NLGN4X: variants seen among roughly 807,000 people sequenced by gnomAD.
NLGN4X encodes neuroligin 4 X-linked.
In NLGN4X, 3 loss-of-function variants were observed where a neutral mutation model predicts 40.3. The observed-to-expected ratio is 0.07, with a 90% confidence interval of 0.03 to 0.19. The LOEUF (loss-of-function observed/expected upper bound fraction) is 0.19. Ranked by LOEUF, NLGN4X falls within the 10% of genes least tolerant of loss-of-function variation. NLGN4X has a pLI of 1.00. For synonymous variants in NLGN4X, 270 were observed against 306.8 expected, an observed-to-expected ratio of 0.88 and a Z score of 1.25; for missense variants, 382 against 708.3, an observed-to-expected ratio of 0.54 and a Z score of 5.23.
intron 2 of NLGN4X, among the ~76,000 whole-genome samples, chrX:6,081,325 T>A (rs973537819): frequency 8.9e-6 from 1 of 111,948 alleles, no homozygotes; most frequent in African/African-American, 3.2e-5. Flanking sequence ...TTATGTTGCC[T>A]GGGCTGGTCA....
At chrX:6,009,749 T>C (rs6639569) in intron 3 of NLGN4X, among the ~76,000 whole-genome samples, 11,958 of 111,767 alleles carry the variant, frequency 0.11, 1,265 homozygotes, top group African/African-American at 0.32. Context: ...GACCACAAGC[T>C]TTCATTTCTT....
At chrX:5,914,885 G>T (rs756085897) in intron 3 of NLGN4X, among the ~76,000 whole-genome samples, 1 of 111,908 alleles carries the variant, frequency 8.9e-6, no homozygotes, top group South Asian at 3.7e-4. Context: ...ATCTTTGACG[G>T]TTATAGGAAA....
At chrX:5,940,123 TTATCCAGTAC>T (rs2033873190) in intron 3 of NLGN4X, among the ~76,000 whole-genome samples, 3 of 110,408 alleles carry the variant, frequency 2.7e-5, no homozygotes. Flanking sequence ...CATGCATTTC[TTATCCAGTAC>T]TAGAAACCAC....
chrX:6,155,884 T>C (rs1444722839), intron 1 of NLGN4X, among the ~76,000 whole-genome samples: 2 of 111,534 alleles, frequency 1.8e-5, no homozygotes, highest in Non-Finnish European at 3.8e-5. Flanking sequence ...TCATAAAACA[T>C]CAAAAAACAA....
At chrX:5,921,558 A>C (rs2033067349) in intron 3 of NLGN4X, among the ~76,000 whole-genome samples, 1 of 110,531 alleles carries the variant, frequency 9.0e-6, no homozygotes, top group African/African-American at 3.3e-5. Context: ...TTTGCGGGGT[A>C]AGTGAGGGCA....
At chrX:6,203,234 C>T (rs901473220) in intron 1 of NLGN4X, among the ~76,000 whole-genome samples, 1 of 112,481 alleles carries the variant, frequency 8.9e-6, no homozygotes, top group Admixed American at 9.4e-5. Flanking sequence ...AGACAACACT[C>T]AACACAACAC....
At chrX:6,102,438 T>C (rs1252718245) in intron 2 of NLGN4X, among the ~76,000 whole-genome samples, 1 of 111,467 alleles carries the variant, frequency 9.0e-6, no homozygotes, top group Non-Finnish European at 1.9e-5. Context: ...CAGAGCTCCC[T>C]TGCCCTTTCC....
chrX:6,171,695 C>CA (rs200123086), intron 1 of NLGN4X, among the ~76,000 whole-genome samples: 8,323 of 111,977 alleles, frequency 0.074, 243 homozygotes, highest in South Asian at 0.15. Flanking sequence ...TATCTTTTAA[C>CA]GTTCAGTGAA....
intron 1 of NLGN4X, among the ~76,000 whole-genome samples, chrX:6,206,518 C>G (rs1167461828): frequency 3.6e-5 from 4 of 111,993 alleles, no homozygotes; most frequent in Non-Finnish European, 7.5e-5. Context: ...GCTTATGTCT[C>G]AGGAAACAGG....
chrX:6,125,680 T>C (rs1433037382), intron 2 of NLGN4X, among the ~76,000 whole-genome samples: 1 of 111,286 alleles, frequency 9.0e-6, no homozygotes, highest in African/African-American at 3.3e-5. Context: ...AAAGAATCAC[T>C]AAAAATCTCC....
chrX:5,891,744 A>T lies in NLGN4X; in HGVS notation c.*1073T>A. ...GCATGTCTCTAATTTAACAAGCTGTAAATACACTCCACTTTGGGGACCCAT... is the reference window on the plus strand; with the variant it reads ...GCATGTCTCTAATTTAACAAGCTGTTAATACACTCCACTTTGGGGACCCAT... On this transcript the variant is annotated 3_prime_UTR_variant, in exon 6 of 6. Coordinates refer to ENST00000381095, the MANE Select transcript of NLGN4X (RefSeq NM_181332.3). 1 of 172,569 alleles carries T rather than the reference A, an allele frequency of 5.8e-6. No individual in the cohort carries two copies. The highest frequency in any genetic ancestry group is 1.1e-5 in the Non-Finnish European group (1 of 92,064). The allele number at this position is 172,569 out of a possible 1,213,427, so 14.2% of individuals were successfully genotyped here.
intron 2 of NLGN4X, among the ~76,000 whole-genome samples, chrX:6,078,491 G>A (rs971115748): frequency 4.5e-5 from 5 of 111,068 alleles, no homozygotes; most frequent in Middle Eastern, 4.7e-3. Context: ...ACTCGCTACC[G>A]AGTAGGTCAA....
intron 3 of NLGN4X, among the ~76,000 whole-genome samples, chrX:5,976,329 G>A (rs1263264844): frequency 8.9e-6 from 1 of 112,107 alleles, no homozygotes; most frequent in Admixed American, 9.5e-5. Context: ...TTTCCAGAAG[G>A]CTAGGGAAGG....
chrX:6,002,003 C>T (rs1461526167), intron 3 of NLGN4X, among the ~76,000 whole-genome samples: 5 of 111,333 alleles, frequency 4.5e-5, no homozygotes, highest in Non-Finnish European at 9.4e-5. Context: ...TAGGATCTCT[C>T]TTTAATTCCC....
chrX:6,185,609 C>T (rs1157891007), intron 1 of NLGN4X, among the ~76,000 whole-genome samples: 1 of 112,056 alleles, frequency 8.9e-6, no homozygotes, highest in Non-Finnish European at 1.9e-5. Context: ...CAGGAACCCC[C>T]TGGTTTTAAC....
intron 2 of NLGN4X, among the ~76,000 whole-genome samples, chrX:6,039,285 TC>T (rs1486851770): frequency 1.1e-4 from 12 of 111,464 alleles, no homozygotes; most frequent in African/African-American, 3.3e-4. Flanking sequence ...ACAAAAGATC[TC>T]ATAGAGAAGA....
At chrX:5,985,979 T>C (rs1256061348) in intron 3 of NLGN4X, among the ~76,000 whole-genome samples, 1 of 112,100 alleles carries the variant, frequency 8.9e-6, no homozygotes, top group African/African-American at 3.2e-5. Context: ...TTCATAAGCA[T>C]ATAAAATGCA....
intron 1 of NLGN4X, among the ~76,000 whole-genome samples, chrX:6,152,907 T>C (rs1187269656): frequency 8.9e-6 from 1 of 112,487 alleles, no homozygotes; most frequent in African/African-American, 3.2e-5. Context: ...GGAGTCAACT[T>C]TTAAAGGGTC....
At chrX:6,211,352 C>T (rs2147879058) in intron 1 of NLGN4X, among the ~76,000 whole-genome samples, 1 of 111,155 alleles carries the variant, frequency 9.0e-6, no homozygotes, top group Non-Finnish European at 1.9e-5. Context: ...ATTAGAGGAG[C>T]AAAAACATTA....
Sources: gnomAD v4.1 joint callset for allele counts (sites outside exome capture counted in the v4.1 genomes callset) on GRCh38, gnomAD v4.1.1 for gene constraint, MANE v1.5 for transcripts, NCBI Gene and HGNC (gene_info 2026-07-23, HGNC 2026-07-21) for gene names.